The following ERP44 variants were observed in gnomAD, a reference collection of about 807,000 sequenced individuals.
ERP44 encodes endoplasmic reticulum resident protein 44.
In ERP44, 25 loss-of-function variants were observed where a neutral mutation model predicts 53.4. The ratio of observed to expected loss-of-function variants is 0.47; its 90% confidence interval spans 0.34 to 0.65. The LOEUF is 0.65. Ranked by LOEUF, ERP44 falls within the 30% of genes least tolerant of loss-of-function variation. The pLI is 0.01. For synonymous variants in ERP44, 145 were observed against 161.2 expected (o/e 0.90, Z 0.76); for missense variants, 338 against 493.2 (o/e 0.69, Z 2.98).
At chr9:99,995,111 C>CTT (rs1357919836) in intron 10 of ERP44, among the ~76,000 whole-genome samples, 1 of 151,492 alleles carries the variant, frequency 6.6e-6, no homozygotes, top group East Asian at 1.9e-4. Flanking sequence ...TTTGGAGCTA[C>CTT]TATAAATGGA....
intron 7 of ERP44, 148 bp downstream of exon 7, chr9:100,018,107 AG>A: frequency 1.7e-6 from 1 of 587,656 alleles, no homozygotes; most frequent in Non-Finnish European, 3.0e-6. Context: ...TTCATTTTGA[AG>A]GGTTTAGATC....
intron 10 of ERP44, among the ~76,000 whole-genome samples, chr9:99,988,948 G>A (rs1339404600): frequency 2.6e-5 from 4 of 152,220 alleles, no homozygotes; most frequent in African/African-American, 9.6e-5. Flanking sequence ...GCAGCAGTCC[G>A]AGATGGAACT....
rs541188024 is a variant in ERP44, at chr9:99,990,994, G to T, written c.1017-5925C>A. 4.8e-4 allele frequency among the ~76,000 whole-genome samples: 72 copies of T among 151,364 alleles called. 1 individual carries two copies. The highest frequency in any genetic ancestry group is 1.6e-3 in the African/African-American group (66 of 41,280). ...TCCTAAATACATATGCACCCAATAC[G>T]GGAGCATCCAGATTCATAAAGCAAG... On this transcript the variant is annotated intron_variant, in intron 10 of 11. Coordinates refer to ENST00000262455, the MANE Select transcript of ERP44 (RefSeq NM_015051.3).
intron 9 of ERP44, 85 bp downstream of exon 9, chr9:100,007,493 G>C (rs1770618730): frequency 4.1e-6 from 3 of 739,536 alleles, no homozygotes; most frequent in Non-Finnish European, 4.8e-6. Context: ...TATGTGATTT[G>C]ACAGAAATGG....
At chr9:100,014,168 C>T (rs1033464061) in intron 8 of ERP44, among the ~76,000 whole-genome samples, 2 of 152,202 alleles carry the variant, frequency 1.3e-5, no homozygotes, top group Non-Finnish European at 2.9e-5. Context: ...TTTGGAAATA[C>T]TTTATTTCTT....
chr9:100,006,244 A>G (rs1281673002), intron 10 of ERP44, among the ~76,000 whole-genome samples: 1 of 152,164 alleles, frequency 6.6e-6, no homozygotes, highest in African/African-American at 2.4e-5. Flanking sequence ...ATTGATTCCC[A>G]AGCATTAATC....
intron 4 of ERP44, among the ~76,000 whole-genome samples, chr9:100,037,563 C>T (rs916912603): frequency 1.3e-5 from 2 of 152,100 alleles, no homozygotes; most frequent in South Asian, 4.1e-4. Context: ...GACTGCATAG[C>T]TCACCACTCC....
chr9:100,024,298 C>A (rs1395770422), intron 4 of ERP44, among the ~76,000 whole-genome samples: 2 of 149,004 alleles, frequency 1.3e-5, no homozygotes, highest in African/African-American at 2.5e-5. Context: ...TAAAAAAGAT[C>A]TCTGTTTGCT....
In ERP44 at chr9:100,010,925, C is replaced by CA. The variant is rs1401946556; in HGVS notation, c.763-3237dup. ...TCAAAAAAAAAAAAAAAGAGAAAAGCAAAAAAAAGAAAGCCAGGACATTCA... is the reference window on the plus strand; with the variant it reads ...TCAAAAAAAAAAAAAAAGAGAAAAGCAAAAAAAAAGAAAGCCAGGACATTCA... On this transcript the variant is annotated intron_variant, in intron 8 of 11. Coordinates refer to ENST00000262455, the MANE Select transcript of ERP44 (RefSeq NM_015051.3). Among the ~76,000 whole-genome samples, 9 of 147,226 alleles carry CA rather than the reference C, an allele frequency of 6.1e-5. No homozygotes were observed. The East Asian group carries it at 9.9e-4, about 16-fold the overall frequency.
chr9:100,020,359 A>G (rs1428848722), intron 6 of ERP44, among the ~76,000 whole-genome samples: 1 of 152,250 alleles, frequency 6.6e-6, no homozygotes, highest in Admixed American at 6.5e-5. Context: ...GTTGAATAAA[A>G]GCATGAATTA....
At chr9:100,049,396 G>A (rs1203954069) in intron 4 of ERP44, among the ~76,000 whole-genome samples, 1 of 151,936 alleles carries the variant, frequency 6.6e-6, no homozygotes, top group Non-Finnish European at 1.5e-5. Flanking sequence ...AGACCCTGTC[G>A]CAAACAAATA....
chr9:100,077,830 C>T (rs1197453807), intron 1 of ERP44, among the ~76,000 whole-genome samples: 1 of 152,290 alleles, frequency 6.6e-6, no homozygotes, highest in African/African-American at 2.4e-5. Flanking sequence ...ACATGGAATA[C>T]AGGAGATCTG....
At chr9:100,072,187 G>C (rs896250692) in intron 1 of ERP44, among the ~76,000 whole-genome samples, 3 of 152,094 alleles carry the variant, frequency 2.0e-5, no homozygotes, top group African/African-American at 7.2e-5. Context: ...ATATATTAAG[G>C]GTCACTAAGG....
At chr9:100,054,426 C>T (rs1323329439) in intron 3 of ERP44, among the ~76,000 whole-genome samples, 3 of 151,936 alleles carry the variant, frequency 2.0e-5, no homozygotes, top group African/African-American at 7.3e-5. Flanking sequence ...GGCTTAAGGG[C>T]GACGTAAAAA....
chr9:100,055,898 C>CTCAGAG (rs953673822), intron 3 of ERP44, among the ~76,000 whole-genome samples: 2 of 152,188 alleles, frequency 1.3e-5, no homozygotes, highest in African/African-American at 4.8e-5. Flanking sequence ...CCAGAATGAA[C>CTCAGAG]TCAGAGTCTA....
intron 4 of ERP44, among the ~76,000 whole-genome samples, chr9:100,037,044 A>G (rs1825853808): frequency 6.6e-6 from 1 of 152,244 alleles, no homozygotes; most frequent in South Asian, 2.1e-4. Flanking sequence ...GAACACTCAC[A>G]CTACCTAGTT....
chr9:100,073,443 C>T (rs768147035), intron 1 of ERP44, among the ~76,000 whole-genome samples: 4 of 152,154 alleles, frequency 2.6e-5, no homozygotes, highest in Non-Finnish European at 4.4e-5. Context: ...ACCAGCTCTA[C>T]CACTCACAAT....
At chr9:100,007,756 A>G in intron 8 of ERP44, 67 bp from the exon 9 acceptor site, 1 of 911,780 alleles carries the variant, frequency 1.1e-6, no homozygotes, top group East Asian at 2.4e-5. Context: ...TTTTCTAGGT[A>G]GGAACAATTT....
chr9:100,093,645 G>A (rs985667589), intron 1 of ERP44, among the ~76,000 whole-genome samples: 1 of 151,682 alleles, frequency 6.6e-6, no homozygotes, highest in African/African-American at 2.4e-5. Flanking sequence ...CCTGTCTGTG[G>A]GGGGGGAAAA....
Sources: gnomAD v4.1 joint callset for allele counts (sites outside exome capture counted in the v4.1 genomes callset) on GRCh38, gnomAD v4.1.1 for gene constraint, MANE v1.5 for transcripts, NCBI Gene and HGNC (gene_info 2026-07-23, HGNC 2026-07-21) for gene names.